NOVA1: variants seen among roughly 807,000 people sequenced by gnomAD.
The protein encoded by NOVA1 is RNA-binding protein Nova-1.
Under a neutral mutation model 38.0 loss-of-function variants are expected in NOVA1, and 7 were observed. That is an observed-to-expected ratio of 0.18 (90% confidence interval 0.10 to 0.35). The LOEUF (loss-of-function observed/expected upper bound fraction) is 0.35. NOVA1 is among the 10% of genes least tolerant of loss of function. The pLI, the probability that NOVA1 is intolerant of heterozygous loss-of-function variation, is 1.00. For missense variants in NOVA1, 460 were observed against 616.0 expected (o/e 0.75, Z 2.68); for synonymous variants, 270 against 232.5 (o/e 1.16, Z -1.47).
intron 2 of NOVA1, among the ~76,000 whole-genome samples, chr14:26,565,339 G>A (rs1566542398): frequency 1.3e-5 from 2 of 152,104 alleles, no homozygotes; most frequent in Admixed American, 6.6e-5. Flanking sequence ...GTATCTCACA[G>A]TGCCTAGAAG....
intron 2 of NOVA1, among the ~76,000 whole-genome samples, chr14:26,523,062 T>C (rs1374594005): frequency 1.3e-5 from 2 of 152,174 alleles, no homozygotes; most frequent in African/African-American, 4.8e-5. Context: ...CATTAGTTCT[T>C]TGAATAAACA....
chr14:26,483,143 G>C (rs1885596499), intron 2 of NOVA1, among the ~76,000 whole-genome samples: 1 of 152,104 alleles, frequency 6.6e-6, no homozygotes, highest in Non-Finnish European at 1.5e-5. Context: ...AAAATGCACA[G>C]GTTTCTAAAA....
rs1008255524 is a variant in NOVA1, at chr14:26,588,186, T to TA, written c.280+7223dup. Among the ~76,000 whole-genome samples, 664 of 139,998 alleles carry TA rather than the reference T, an allele frequency of 4.7e-3. 3 individuals are homozygous for TA. The highest frequency in any genetic ancestry group is 0.01 in the African/African-American group (391 of 38,618). 91.8% of individuals were successfully genotyped at this position (139,998 alleles called of 152,430 possible). The stretch of plus-strand genomic sequence containing the variant: ...TGTATGCTCAGTTTCACAAGGAAGG[T>TA]AAAAAAAAAAACACTACCATCTAAA... On this transcript the variant is annotated intron_variant, in intron 2 of 4. Transcript: ENST00000539517.
intron 2 of NOVA1, among the ~76,000 whole-genome samples, chr14:26,531,328 C>T (rs1321007091): frequency 1.3e-5 from 2 of 152,200 alleles, no homozygotes; most frequent in East Asian, 3.9e-4. Context: ...CTAGGAGAGG[C>T]TGGGCGCGGT....
chr14:26,554,433 A>T (rs546664690), intron 2 of NOVA1, among the ~76,000 whole-genome samples: 1 of 152,174 alleles, frequency 6.6e-6, no homozygotes, highest in Non-Finnish European at 1.5e-5. Flanking sequence ...CTCTTCCAAC[A>T]CTCTATAATC....
chr14:26,463,845 A>G (rs1303666684), intron 4 of NOVA1, among the ~76,000 whole-genome samples: 1 of 152,172 alleles, frequency 6.6e-6, no homozygotes, highest in Non-Finnish European at 1.5e-5. Context: ...TGGACAGTCA[A>G]TATACCAGCA....
intron 2 of NOVA1, among the ~76,000 whole-genome samples, chr14:26,526,170 G>T (rs1251298767): frequency 1.3e-5 from 2 of 152,044 alleles, no homozygotes; most frequent in Admixed American, 1.3e-4. Context: ...GCAGTATTGA[G>T]GAAATCACCC....
intron 2 of NOVA1, among the ~76,000 whole-genome samples, chr14:26,583,111 C>T (rs955615481): frequency 1.1e-4 from 17 of 151,732 alleles, no homozygotes; most frequent in African/African-American, 3.9e-4. Context: ...TAAAATACTA[C>T]TGTAAAGAAA....
At chr14:26,578,438 A>G (rs376522663) in intron 2 of NOVA1, among the ~76,000 whole-genome samples, 6 of 152,160 alleles carry the variant, frequency 3.9e-5, no homozygotes, top group South Asian at 4.1e-4. Flanking sequence ...ATACTGCAGG[A>G]AAGTGGAGAA....
At position 26,597,933 on chromosome 14, in the gene NOVA1, G is replaced by A. The variant is rs1364366752; in HGVS notation, c.-497C>T. 2.0e-5 allele frequency among the ~76,000 whole-genome samples: 3 copies of A among 151,572 alleles called. No homozygotes were observed. Among genetic ancestry groups the A allele is most frequent in the African/African-American group, 7.3e-5 (3 of 41,276 alleles). On this transcript the variant is annotated 5_prime_UTR_variant, in exon 1 of 5. Transcript: ENST00000539517. Reference sequence around the variant, plus strand: ...GAGAGAGGAGCGAGCGGCAGAGGAGGGCAGGAGCCGGGAAGGAGCGCGGCG... The same window carrying A: ...GAGAGAGGAGCGAGCGGCAGAGGAGAGCAGGAGCCGGGAAGGAGCGCGGCG...
intron 4 of NOVA1, among the ~76,000 whole-genome samples, chr14:26,452,854 AAG>A (rs1410616393): frequency 6.6e-6 from 1 of 152,234 alleles, no homozygotes; most frequent in African/African-American, 2.4e-5. Flanking sequence ...GCTGGAGATA[AAG>A]GATATATATG....
At chr14:26,475,465 C>G (rs1884909979) in intron 3 of NOVA1, among the ~76,000 whole-genome samples, 1 of 152,098 alleles carries the variant, frequency 6.6e-6, no homozygotes, top group Non-Finnish European at 1.5e-5. Flanking sequence ...AACTGAATAT[C>G]CACATAACAT....
At chr14:26,578,522 T>C (rs1426429567) in intron 2 of NOVA1, among the ~76,000 whole-genome samples, 1 of 152,070 alleles carries the variant, frequency 6.6e-6, no homozygotes, top group African/African-American at 2.4e-5. Context: ...AGGTAGGCCT[T>C]TGCTAGGCAC....
Position 26,448,300 on chromosome 14 carries a change from T to C in NOVA1, c.1183A>G (p.Thr395Ala). 1 of 1,614,130 alleles carries C rather than the reference T, an allele frequency of 6.2e-7. No individual in the cohort carries two copies. The highest frequency in any genetic ancestry group is 8.5e-7 in the Non-Finnish European group (1 of 1,180,004). Residue 395 changes from threonine to alanine, a missense_variant, in exon 5 of 5, where the codon ACC (threonine) becomes GCC (alanine). By Grantham distance (58) the Thr-to-Ala change is moderately conservative (BLOSUM62 0). Coordinates refer to ENST00000539517, the MANE Select transcript of NOVA1 (RefSeq NM_002515.3). This position sits in a 1 kb window ranked among gnomAD's most constrained non-coding sequence, Gnocchi z 5.3. ...LGSLAAATAATNGYFGAASPL... is the reference protein window; with the variant it reads ...LGSLAAATAAANGYFGAASPL... ...GAAGCAGCTCCAAAATATCCATTGGTTGCAGCAGTAGCAGCAGCCAGGCTA... is the reference window on the plus strand; with the variant it reads ...GAAGCAGCTCCAAAATATCCATTGGCTGCAGCAGTAGCAGCAGCCAGGCTA...
At chr14:26,539,542 T>C (rs946639075) in intron 2 of NOVA1, among the ~76,000 whole-genome samples, 1 of 152,076 alleles carries the variant, frequency 6.6e-6, no homozygotes. Context: ...TATATATATG[T>C]GTATATGCCT....
intron 2 of NOVA1, among the ~76,000 whole-genome samples, chr14:26,492,116 A>C (rs957713638): frequency 4.6e-5 from 7 of 152,040 alleles, no homozygotes; most frequent in Non-Finnish European, 1.0e-4. Context: ...GGTTAAATTT[A>C]TTTGCAGGCA....
chr14:26,466,770 A>G (rs1036527826), intron 4 of NOVA1, among the ~76,000 whole-genome samples: 2 of 152,108 alleles, frequency 1.3e-5, no homozygotes, highest in African/African-American at 2.4e-5. Context: ...CTACAAAATG[A>G]GCTTTCAGGA....
At chr14:26,477,236 A>G (rs1173874318) in intron 3 of NOVA1, among the ~76,000 whole-genome samples, 1 of 152,176 alleles carries the variant, frequency 6.6e-6, no homozygotes, top group Non-Finnish European at 1.5e-5. Context: ...ATTTTTGTCA[A>G]TTTATCATGA....
At chr14:26,501,538 T>C (rs1292165452) in intron 2 of NOVA1, among the ~76,000 whole-genome samples, 2 of 151,976 alleles carry the variant, frequency 1.3e-5, no homozygotes, top group Non-Finnish European at 2.9e-5. Flanking sequence ...GTTTTGAATG[T>C]TGGCAATACA....
Sources: allele counts gnomAD v4.1 joint callset (sites outside exome capture counted in the v4.1 genomes callset), GRCh38; gene constraint gnomAD v4.1.1; non-coding constraint Gnocchi (gnomAD v3.1); transcripts MANE v1.5; gene names NCBI Gene and HGNC (gene_info 2026-07-23, HGNC 2026-07-21).